PVT1: variants seen among roughly 807,000 people sequenced by gnomAD.
The protein encoded by PVT1 is Pvt1 oncogene.
intron 5 of PVT1, among the ~76,000 whole-genome samples, chr8:128,084,610 A>G (rs1814233884): frequency 6.6e-6 from 1 of 152,266 alleles, no homozygotes; most frequent in Non-Finnish European, 1.5e-5. Context: ...AAACCAGAAC[A>G]TTCTGTAGCA....
intron 2 of PVT1, among the ~76,000 whole-genome samples, chr8:127,819,010 C>T (rs541244149): frequency 3.3e-5 from 5 of 152,246 alleles, no homozygotes; most frequent in South Asian, 2.1e-4. Context: ...CAAGTGCTAC[C>T]GCTCCTAGCT....
chr8:127,995,913 T>G (rs1382410494), intron 4 of PVT1, among the ~76,000 whole-genome samples: 10 of 152,206 alleles, frequency 6.6e-5, no homozygotes, highest in Admixed American at 6.5e-4. Context: ...CCTTTTTTTT[T>G]TTAAACTTAA....
At chr8:128,069,019 A>G (rs1484970816) in intron 4 of PVT1, among the ~76,000 whole-genome samples, 2 of 152,238 alleles carry the variant, frequency 1.3e-5, no homozygotes, top group Non-Finnish European at 2.9e-5. Flanking sequence ...AGGGCAAATT[A>G]GAAACAAAGT....
At chr8:127,799,804 T>C (rs539152964) in intron 2 of PVT1, among the ~76,000 whole-genome samples, 1 of 152,358 alleles carries the variant, frequency 6.6e-6, no homozygotes, top group South Asian at 2.1e-4. Flanking sequence ...TATTACTTCC[T>C]GTGGCTGCAT....
rs894882991 is a variant in PVT1, at chr8:127,903,324, G to A, written n.782+12326G>A. 2.0e-5 allele frequency among the ~76,000 whole-genome samples: 3 copies of A among 152,250 alleles called. No homozygotes were observed. In the East Asian group the frequency reaches 5.8e-4, roughly 29 times the overall value. On this transcript the variant is annotated intron_variant and non_coding_transcript_variant, in intron 3 of 10. Coordinates refer to ENST00000651587, the Ensembl canonical transcript of PVT1. ...TGATTTAAGTTCCTTATCGATTCTG[G>A]ATATTGGAACTTTGTCAAATGCATA...
intron 6 of PVT1, among the ~76,000 whole-genome samples, chr8:128,098,782 A>G (rs754350586): frequency 2.0e-5 from 3 of 152,056 alleles, no homozygotes; most frequent in Non-Finnish European, 2.9e-5. Context: ...GCAGCACCTA[A>G]ATTCCTGTTA....
chr8:127,916,035 CA>C (rs1815980924), intron 3 of PVT1, among the ~76,000 whole-genome samples: 2 of 152,234 alleles, frequency 1.3e-5, no homozygotes, highest in African/African-American at 2.4e-5. Context: ...ATCCCACTTA[CA>C]GGGGGGCAAA....
intron 4 of PVT1, among the ~76,000 whole-genome samples, chr8:128,005,378 C>T (rs1817234063): frequency 6.6e-6 from 1 of 152,210 alleles, no homozygotes. Flanking sequence ...CTGTCTTAGA[C>T]TTTTAAGGAG....
chr8:128,068,789 G>A (rs1371129351), intron 4 of PVT1, among the ~76,000 whole-genome samples: 5 of 152,222 alleles, frequency 3.3e-5, no homozygotes, highest in Admixed American at 3.3e-4. Context: ...ACTGCACCCG[G>A]CCAGTTTTGG....
intron 2 of PVT1, among the ~76,000 whole-genome samples, chr8:127,872,085 T>C (rs1397310707): frequency 4.1e-5 from 6 of 145,120 alleles, no homozygotes; most frequent in Admixed American, 2.8e-4. Flanking sequence ...AGAGTGAGAC[T>C]CCGTCTCAAA....
rs529372634 is a variant in PVT1 at position 127,886,415 on chromosome 8, C to T, written n.373-4174C>T. Among the ~76,000 whole-genome samples, 9 of 152,278 alleles carry T rather than the reference C, an allele frequency of 5.9e-5. No individual in the cohort carries two copies. In the East Asian group the frequency reaches 1.7e-3, roughly 29 times the overall value. On this transcript the variant is annotated intron_variant and non_coding_transcript_variant, in intron 2 of 10. Coordinates refer to ENST00000651587, the Ensembl canonical transcript of PVT1. Reference sequence around the variant, plus strand: ...TCCCACCCCCGATATTGATCTTGCTCCATTCTCTTCTCTCCTTTTGGGACT... The same window carrying T: ...TCCCACCCCCGATATTGATCTTGCTTCATTCTCTTCTCTCCTTTTGGGACT...
intron 2 of PVT1, among the ~76,000 whole-genome samples, chr8:127,806,491 A>G (rs1023228803): frequency 3.3e-5 from 5 of 152,142 alleles, no homozygotes; most frequent in African/African-American, 1.2e-4. Flanking sequence ...AGTGGATGAT[A>G]AATGTGAAAA....
chr8:127,996,158 C>A (rs751572866), intron 4 of PVT1, among the ~76,000 whole-genome samples: 1 of 152,130 alleles, frequency 6.6e-6, no homozygotes, highest in African/African-American at 2.4e-5. Flanking sequence ...ATAGGAAAAG[C>A]TCCTGATCCA....
intron 2 of PVT1, among the ~76,000 whole-genome samples, chr8:127,886,034 T>C (rs570837009): frequency 8.6e-4 from 131 of 152,122 alleles, no homozygotes; most frequent in Non-Finnish European, 1.5e-3. Context: ...GAGGTGGAAG[T>C]TGCAGTGAGC....
intron 2 of PVT1, among the ~76,000 whole-genome samples, chr8:127,824,359 T>C (rs1814764645): frequency 6.6e-6 from 1 of 152,304 alleles, no homozygotes; most frequent in East Asian, 1.9e-4. Flanking sequence ...TTCAGCCCCA[T>C]GTGTCCCAGG....
At chr8:128,038,966 T>A (rs190752757) in intron 4 of PVT1, among the ~76,000 whole-genome samples, 159 of 152,294 alleles carry the variant, frequency 1.0e-3, no homozygotes, top group African/African-American at 3.7e-3. Context: ...GCAGCCATTG[T>A]GTCTTTGTGC....
At chr8:127,839,288 T>C (rs1009747746) in intron 2 of PVT1, among the ~76,000 whole-genome samples, 3 of 152,088 alleles carry the variant, frequency 2.0e-5, no homozygotes, top group African/African-American at 7.2e-5. Flanking sequence ...GGCTCGTGCC[T>C]GTAATTCCAG....
At chr8:127,879,808 A>G (rs1264062932) in intron 2 of PVT1, among the ~76,000 whole-genome samples, 2 of 152,192 alleles carry the variant, frequency 1.3e-5, no homozygotes, top group African/African-American at 4.8e-5. Flanking sequence ...TTCGACGGAC[A>G]ATGCGCCAGC....
chr8:127,801,039 G>A (rs76015560), intron 2 of PVT1, among the ~76,000 whole-genome samples: 1,908 of 152,256 alleles, frequency 0.013, 27 homozygotes, highest in Middle Eastern at 0.02. Context: ...TCTGGGAAGA[G>A]CTAGGACAGA....
Sources: allele counts gnomAD v4.1 joint callset (sites outside exome capture counted in the v4.1 genomes callset), GRCh38; gene constraint gnomAD v4.1.1; transcripts MANE v1.5; gene names NCBI Gene and HGNC (gene_info 2026-07-23, HGNC 2026-07-21).